KCNIP4: variants seen among roughly 807,000 people sequenced by gnomAD.
KCNIP4 encodes potassium voltage-gated channel interacting protein 4.
KCNIP4 carries 12 observed loss-of-function variants against 34.0 expected under a neutral mutation model. The ratio of observed to expected loss-of-function variants is 0.35; its 90% CI spans 0.23 to 0.57. KCNIP4 has a LOEUF of 0.57. Among genes scored for constraint, KCNIP4 ranks in the 20% least tolerant of loss-of-function variants. KCNIP4 has a pLI of 0.83. For missense variants in KCNIP4, 238 were observed against 311.7 expected, an observed-to-expected ratio of 0.76 and a Z score of 1.78; for synonymous variants, 124 against 102.2, an observed-to-expected ratio of 1.21 and a Z score of -1.29.
intron 2 of KCNIP4, among the ~76,000 whole-genome samples, chr4:20,854,497 T>A (rs575244199): frequency 2.6e-5 from 4 of 151,704 alleles, no homozygotes; most frequent in Non-Finnish European, 4.4e-5. Context: ...CGGGGAAGAG[T>A]GGGAGACAGG....
At chr4:21,248,060 A>ATGTGTG (rs111240655) in intron 1 of KCNIP4, among the ~76,000 whole-genome samples, 23,117 of 145,130 alleles carry the variant, frequency 0.16, 2,904 homozygotes, top group African/African-American at 0.34. Context: ...ATATATATAT[A>ATGTGTG]TGTGTGTGTG....
chr4:21,840,893 T>G (rs1723636455), intron 1 of KCNIP4, among the ~76,000 whole-genome samples: 1 of 152,190 alleles, frequency 6.6e-6, no homozygotes, highest in Non-Finnish European at 1.5e-5. Context: ...ATCAATAAAT[T>G]TCTTTATTGC....
At chr4:21,069,097 C>T (rs1207445718) in intron 1 of KCNIP4, among the ~76,000 whole-genome samples, 1 of 152,124 alleles carries the variant, frequency 6.6e-6, no homozygotes, top group African/African-American at 2.4e-5. Flanking sequence ...AAATAAATTG[C>T]TCTTTGTAAA....
intron 1 of KCNIP4, among the ~76,000 whole-genome samples, chr4:21,750,522 T>G (rs1717085069): frequency 6.6e-6 from 1 of 152,148 alleles, no homozygotes; most frequent in Non-Finnish European, 1.5e-5. Context: ...GATGATGGTT[T>G]GACTAACAAG....
At chr4:21,351,961 C>T (rs1384417920) in intron 1 of KCNIP4, among the ~76,000 whole-genome samples, 1 of 152,100 alleles carries the variant, frequency 6.6e-6, no homozygotes. Flanking sequence ...TAACCATCAG[C>T]CTTGAAACTA....
At chr4:20,867,561 T>C (rs1723002989) in intron 2 of KCNIP4, among the ~76,000 whole-genome samples, 1 of 152,064 alleles carries the variant, frequency 6.6e-6, no homozygotes, top group Non-Finnish European at 1.5e-5. Context: ...AATCTCAAAC[T>C]ATAAAAATCC....
chr4:20,969,373 A>C (rs1734695721), intron 1 of KCNIP4, among the ~76,000 whole-genome samples: 1 of 152,208 alleles, frequency 6.6e-6, no homozygotes, highest in African/African-American at 2.4e-5. Flanking sequence ...GTTTCTTGGA[A>C]TCACCAACAC....
intron 1 of KCNIP4, among the ~76,000 whole-genome samples, chr4:21,759,402 T>G (rs1717892235): frequency 6.6e-6 from 1 of 152,174 alleles, no homozygotes; most frequent in African/African-American, 2.4e-5. Flanking sequence ...CAAAAGTAAT[T>G]TGAACTTATT....
chr4:20,776,607 C>T (rs1368215775), intron 3 of KCNIP4, among the ~76,000 whole-genome samples: 2 of 152,064 alleles, frequency 1.3e-5, no homozygotes, highest in Non-Finnish European at 2.9e-5. Flanking sequence ...ACTTTAATTC[C>T]AACAACTAAT....
At chr4:21,732,931 C>T (rs1715713851) in intron 1 of KCNIP4, among the ~76,000 whole-genome samples, 1 of 152,068 alleles carries the variant, frequency 6.6e-6, no homozygotes, top group Non-Finnish European at 1.5e-5. Flanking sequence ...ATAATTTCAC[C>T]TAACCAAAAT....
chr4:21,495,332 C>T (rs999373043), intron 1 of KCNIP4, among the ~76,000 whole-genome samples: 18 of 152,300 alleles, frequency 1.2e-4, no homozygotes, highest in African/African-American at 3.1e-4. Flanking sequence ...CAGTGCAGAA[C>T]AGCTAGCAGA....
intron 1 of KCNIP4, among the ~76,000 whole-genome samples, chr4:21,112,318 T>C (rs921635760): frequency 6.6e-6 from 1 of 152,180 alleles, no homozygotes; most frequent in East Asian, 1.9e-4. Context: ...TGGGTCTTGA[T>C]GTTGATAATA....
At chr4:21,528,966 T>A (rs1490369887) in intron 1 of KCNIP4, among the ~76,000 whole-genome samples, 1 of 152,048 alleles carries the variant, frequency 6.6e-6, no homozygotes, top group Admixed American at 6.6e-5. Context: ...TTTCGGCCAA[T>A]GAAAAGCCTG....
chr4:20,995,887 C>T (rs1577504573), intron 1 of KCNIP4, among the ~76,000 whole-genome samples: 1 of 152,090 alleles, frequency 6.6e-6, no homozygotes, highest in Non-Finnish European at 1.5e-5. Flanking sequence ...GGAAGGAATG[C>T]ACATAAGTTA....
chr4:21,346,402 C>T (rs2109361824), intron 1 of KCNIP4, among the ~76,000 whole-genome samples: 1 of 147,186 alleles, frequency 6.8e-6, no homozygotes, highest in Non-Finnish European at 1.5e-5. Flanking sequence ...ACCTGGTACT[C>T]TTCATATCAT....
Position 21,062,069 on chromosome 4 carries a change from C to T in KCNIP4, c.62-179360G>A, listed in dbSNP as rs939520488. ...TATTTAAGCCACCCAATATGTGGTA[C>T]GTTGCTATGGCAGCCCTGGAAAGTG... is the stretch of plus-strand genomic sequence containing the variant. On this transcript the variant is annotated intron_variant, in intron 1 of 8. Coordinates refer to ENST00000382152, the MANE Select transcript of KCNIP4 (RefSeq NM_025221.6). Among the ~76,000 whole-genome samples the T allele has an allele frequency of 4.6e-5, 7 of 152,108 alleles. No homozygotes were observed. The South Asian group carries it at 6.2e-4, about 14-fold the overall frequency.
At chr4:21,025,655 G>T (rs989625947) in intron 1 of KCNIP4, among the ~76,000 whole-genome samples, 1 of 135,506 alleles carries the variant, frequency 7.4e-6, no homozygotes, top group African/African-American at 2.7e-5. Context: ...CCGGGTTCAC[G>T]CCATTCTCCT....
At chr4:21,645,946 C>A (rs1184093511) in intron 1 of KCNIP4, among the ~76,000 whole-genome samples, 2 of 152,180 alleles carry the variant, frequency 1.3e-5, no homozygotes, top group Non-Finnish European at 2.9e-5. Flanking sequence ...TCTCAATGGG[C>A]ACACTATTTC....
intron 1 of KCNIP4, among the ~76,000 whole-genome samples, chr4:21,738,092 AAAATAAATAAATAAAT>A (rs11444057): frequency 0.062 from 8,885 of 142,206 alleles, 475 homozygotes; most frequent in African/African-American, 0.16. Context: ...ACTCCATCTC[AAAATAAATAAATAAAT>A]AAATAAATAA....
Sources: gnomAD v4.1 joint callset for allele counts (sites outside exome capture counted in the v4.1 genomes callset) on GRCh38, gnomAD v4.1.1 for gene constraint, MANE v1.5 for transcripts, NCBI Gene and HGNC (gene_info 2026-07-23, HGNC 2026-07-21) for gene names.